Variants in SMIM27 observed in about 807,000 individuals in gnomAD.
SMIM27 encodes transition zone microprotein 1.
SMIM27 carries 3 observed loss-of-function variants against 1.8 expected under a neutral mutation model. The observed-to-expected ratio is 1.65, with a 90% CI of 0.75 to 4.28. The LOEUF is 4.28. Ranked by LOEUF, SMIM27 falls within the 30% of genes most tolerant of loss-of-function variation. The pLI, the probability that SMIM27 is intolerant of heterozygous loss-of-function variation, is 0.02. For synonymous variants in SMIM27, 19 were observed against 13.9 expected, an observed-to-expected ratio of 1.37 and a Z score of -0.82; for missense variants, 63 against 37.0, an observed-to-expected ratio of 1.70 and a Z score of -1.83.
downstream of SMIM27, among the ~76,000 whole-genome samples, chr9:32,557,916 T>G (rs530407165): frequency 2.5e-3 from 385 of 152,368 alleles, 1 homozygote; most frequent in Non-Finnish European, 4.6e-3. Context: ...ATCACACTTT[T>G]GTTATTTAAA....
At chr9:32,552,628 G>A (rs1587630692) in intron 1 of SMIM27, 149 bp downstream of exon 1, 3 of 719,190 alleles carry the variant, frequency 4.2e-6, no homozygotes, top group Non-Finnish European at 7.4e-6. Context: ...TCTTCCTGGA[G>A]GATACGATCT....
intron 1 of SMIM27, among the ~76,000 whole-genome samples, chr9:32,559,852 G>A (rs1821578687): frequency 6.6e-6 from 1 of 152,118 alleles, no homozygotes; most frequent in African/African-American, 2.4e-5. Context: ...GACTCAATCT[G>A]CTCTGTTCAC....
intron 1 of SMIM27, among the ~76,000 whole-genome samples, chr9:32,561,770 G>A (rs1054678332): frequency 6.6e-6 from 1 of 151,906 alleles, no homozygotes; most frequent in Non-Finnish European, 1.5e-5. Context: ...CCAACTTCAG[G>A]TGTTTCTTCC....
chr9:32,563,084 A>T (rs528438228), intron 1 of SMIM27, among the ~76,000 whole-genome samples: 17 of 152,326 alleles, frequency 1.1e-4, no homozygotes, highest in Admixed American at 6.5e-5. Flanking sequence ...TATGAATTTA[A>T]TCAATAAATT....
intron 1 of SMIM27, among the ~76,000 whole-genome samples, chr9:32,561,572 AC>A (rs1563993977): frequency 6.6e-6 from 1 of 151,468 alleles, no homozygotes; most frequent in Non-Finnish European, 1.5e-5. Flanking sequence ...CAAGCAATCC[AC>A]CCGCCTCAGC....
rs111440634 is a variant in SMIM27, at chr9:32,564,282, G to A, written c.46-2109G>A. Among the ~76,000 whole-genome samples the A allele has an allele frequency of 4.0e-4, 61 of 151,446 alleles. 2 individuals are homozygous for A. The highest frequency in any genetic ancestry group is 1.3e-3 in the African/African-American group (52 of 41,310). ...TTTCACATAGGTAACTCCCTTTTCC[G>A]GCAGTGAGAATCCTGTGTCCCTTTA... is the stretch of plus-strand genomic sequence containing the variant. On this transcript the variant is annotated intron_variant, in intron 1 of 1. Coordinates refer to the SMIM27 transcript ENST00000451672.
At chr9:32,566,446 T>C in exon 2 of SMIM27, 4 of 821,208 alleles carry the variant, frequency 4.9e-6, no homozygotes, top group Non-Finnish European at 6.6e-6. Flanking sequence ...GTTGATGGAG[T>C]ATCTTGACAA....
downstream of SMIM27, among the ~76,000 whole-genome samples, chr9:32,554,735 A>G (rs1227821133): frequency 6.6e-6 from 1 of 152,258 alleles, no homozygotes; most frequent in Non-Finnish European, 1.5e-5. Flanking sequence ...CATTATCCCA[A>G]TAGAAATCAT....
At chr9:32,553,258 G>T (rs930616345), downstream of SMIM27, 1 of 196,258 alleles carries the variant, frequency 5.1e-6, no homozygotes, top group Non-Finnish European at 1.1e-5. Context: ...GCACTATCTC[G>T]GCTTACTGCA....
At chr9:32,553,603 A>G (rs1821366866), downstream of SMIM27, 2 of 384,714 alleles carry the variant, frequency 5.2e-6, no homozygotes, top group Non-Finnish European at 9.5e-6. Flanking sequence ...TGTGTAAGAA[A>G]AAAACAAACA....
At chr9:32,565,210 T>C (rs540535452) in intron 1 of SMIM27, among the ~76,000 whole-genome samples, 2 of 151,646 alleles carry the variant, frequency 1.3e-5, no homozygotes, top group South Asian at 4.2e-4. Context: ...GGAGAATCAC[T>C]TGAACCCAGG....
Position 32,552,987 on chromosome 9 carries a change from T to C in SMIM27, c.*64T>C, listed in dbSNP as rs947851397. On this transcript the variant is annotated 3_prime_UTR_variant, in exon 2 of 2. Transcript: ENST00000692500. ...CCTCATGCTTATGTAGATATAAAAA[T>C]AAAATTCATAATGCAAAGTTCCCAA... 3.3e-6 allele frequency: 2 copies of C among 610,692 alleles called. No homozygotes were observed. The highest frequency in any genetic ancestry group is 3.0e-5 in the Admixed American group (1 of 33,726). The allele number at this position is 610,692 out of a possible 1,614,324, so 37.8% of individuals were successfully genotyped here. A position where few individuals can be genotyped will look rare whatever the true frequency, so the allele number is the denominator to read the frequency against.
In SMIM27 at chr9:32,552,562, A is replaced by G. The variant is rs562453649; in HGVS notation, c.45+83A>G. 5.6e-6 allele frequency: 7 copies of G among 1,249,804 alleles called. No homozygotes were observed. In the East Asian group the frequency reaches 1.5e-4, roughly 27 times the overall value. The allele number at this position is 1,249,804 out of a possible 1,614,324, so 77.4% of individuals were successfully genotyped here. On this transcript the variant is annotated intron_variant, in intron 1 of 1. Transcript: ENST00000692500. Reference sequence around the variant, plus strand: ...AAGGCCCTATTTCTTCAGCACCCAGAAACTCCAAAATCCATTCCTGAATTA... The same window carrying G: ...AAGGCCCTATTTCTTCAGCACCCAGGAACTCCAAAATCCATTCCTGAATTA...
chr9:32,558,278 AT>A (rs1238514622), intron 1 of SMIM27, among the ~76,000 whole-genome samples: 1 of 151,854 alleles, frequency 6.6e-6, no homozygotes, highest in East Asian at 1.9e-4. Flanking sequence ...CGCCCAGCTA[AT>A]TTTTTGTATT....
rs540535452 is a variant in SMIM27, at chr9:32,565,210, T to A, written c.46-1181T>A. Among the ~76,000 whole-genome samples, 6 of 151,646 alleles carry A rather than the reference T, an allele frequency of 4.0e-5. No individual in the cohort carries two copies. In the East Asian group the frequency reaches 1.2e-3, roughly 30 times the overall value. On this transcript the variant is annotated intron_variant, in intron 1 of 1. Transcript: ENST00000451672. ...TGGTAGGCTGAGGCAGGAGAATCAC[T>A]TGAACCCAGGAGGCAGAGGTCGCAG...
chr9:32,560,187 C>T (rs553540972), intron 1 of SMIM27, among the ~76,000 whole-genome samples: 9 of 152,312 alleles, frequency 5.9e-5, no homozygotes, highest in African/African-American at 2.2e-4. Context: ...CAATCCTTTA[C>T]CTACCAAAAT....
At chr9:32,562,444 A>C (rs1821652944) in intron 1 of SMIM27, among the ~76,000 whole-genome samples, 1 of 152,214 alleles carries the variant, frequency 6.6e-6, no homozygotes, top group African/African-American at 2.4e-5. Context: ...GGGTGTTCTG[A>C]AAACCCCCCA....
downstream of SMIM27, chr9:32,553,122 C>CA: frequency 4.2e-6 from 2 of 473,856 alleles, no homozygotes; most frequent in South Asian, 6.7e-5. Flanking sequence ...CTAAATCTGA[C>CA]AGTCTTGAGT....
chr9:32,565,836 G>T (rs1587647437), intron 1 of SMIM27, among the ~76,000 whole-genome samples: 1 of 152,244 alleles, frequency 6.6e-6, no homozygotes, highest in East Asian at 1.9e-4. Context: ...GCCAGGCATG[G>T]TGGCACATAC....
Sources: gnomAD v4.1 joint callset for allele counts (sites outside exome capture counted in the v4.1 genomes callset) on GRCh38, gnomAD v4.1.1 for gene constraint, MANE v1.5 for transcripts, NCBI Gene and HGNC (gene_info 2026-07-23, HGNC 2026-07-21) for gene names.